The following UBE2E2 variants were observed in gnomAD, a reference collection of about 807,000 sequenced individuals.
UBE2E2 encodes ubiquitin-conjugating enzyme E2 E2.
A neutral mutation model predicts 24.7 loss-of-function variants in UBE2E2; 6 were observed. That is an observed-to-expected ratio of 0.24 (90% CI 0.13 to 0.48). UBE2E2 has a LOEUF of 0.48. Ranked by LOEUF, UBE2E2 falls within the 20% of genes least tolerant of loss-of-function variation. The pLI, the probability that UBE2E2 is intolerant of heterozygous loss-of-function variation, is 0.99. For missense variants in UBE2E2, 169 were observed against 245.0 expected (o/e 0.69, Z 2.07); for synonymous variants, 104 against 83.6 (o/e 1.24, Z -1.33).
chr3:23,269,520 C>T (rs1207515230), intron 3 of UBE2E2, among the ~76,000 whole-genome samples: 1 of 152,152 alleles, frequency 6.6e-6, no homozygotes, highest in Non-Finnish European at 1.5e-5. Context: ...GCCAGGAAAT[C>T]AGTTCTCACC....
At chr3:23,482,747 G>T (rs1395013474) in intron 3 of UBE2E2, among the ~76,000 whole-genome samples, 3 of 152,084 alleles carry the variant, frequency 2.0e-5, no homozygotes, top group Admixed American at 6.5e-5. Context: ...AGATTAAATA[G>T]GGATTTAAGG....
intron 3 of UBE2E2, among the ~76,000 whole-genome samples, chr3:23,318,074 T>C (rs866158070): frequency 5.9e-5 from 9 of 152,134 alleles, no homozygotes; most frequent in South Asian, 4.2e-4. Flanking sequence ...CTCCCTACTT[T>C]TTGATTCTAA....
At chr3:23,557,266 T>G (rs184285082) in intron 5 of UBE2E2, among the ~76,000 whole-genome samples, 2 of 152,218 alleles carry the variant, frequency 1.3e-5, no homozygotes, top group African/African-American at 4.8e-5. Flanking sequence ...GGCAGGCTCA[T>G]TGAATGCTTT....
chr3:23,314,886 T>C (rs1048178219), intron 3 of UBE2E2, among the ~76,000 whole-genome samples: 1 of 152,224 alleles, frequency 6.6e-6, no homozygotes, highest in South Asian at 2.1e-4. Context: ...CCTTTATTCT[T>C]GAACTTTGGG....
chr3:23,298,027 A>G (rs1302037042), intron 3 of UBE2E2, among the ~76,000 whole-genome samples: 15 of 151,538 alleles, frequency 9.9e-5, no homozygotes, highest in South Asian at 2.1e-4. Flanking sequence ...GGATTCCTAG[A>G]TATTTTATTC....
At chr3:23,298,683 G>A (rs1490538633) in intron 3 of UBE2E2, among the ~76,000 whole-genome samples, 15 of 151,446 alleles carry the variant, frequency 9.9e-5, no homozygotes, top group South Asian at 2.1e-4. Context: ...TGCTGGATTC[G>A]GTTTGCCAGT....
chr3:23,327,971 A>G (rs910920292), intron 3 of UBE2E2, among the ~76,000 whole-genome samples: 5 of 152,220 alleles, frequency 3.3e-5, no homozygotes, highest in African/African-American at 2.4e-5. Context: ...TAAGTATACA[A>G]TAAGAACTTA....
intron 3 of UBE2E2, among the ~76,000 whole-genome samples, chr3:23,302,211 T>A (rs528058701): frequency 1.3e-5 from 2 of 152,296 alleles, no homozygotes; most frequent in South Asian, 4.1e-4. Flanking sequence ...ACCACTCTAC[T>A]TCTATTTTCA....
chr3:23,422,396 T>G (rs2125392490), intron 3 of UBE2E2, among the ~76,000 whole-genome samples: 1 of 152,348 alleles, frequency 6.6e-6, no homozygotes, highest in African/African-American at 2.4e-5. Context: ...ACTCTGCTGC[T>G]TCCCAGCTGC....
chr3:23,230,204 A>G (rs550726334), intron 3 of UBE2E2, among the ~76,000 whole-genome samples: 1 of 152,314 alleles, frequency 6.6e-6, no homozygotes, highest in African/African-American at 2.4e-5. Context: ...TAAATTTCTT[A>G]TCAAAATGAA....
At position 23,363,206 on chromosome 3, in the gene UBE2E2, A is replaced by C. The variant is rs1696166304; in HGVS notation, c.228-136402A>C. 1.3e-5 allele frequency among the ~76,000 whole-genome samples: 2 copies of C among 152,188 alleles called. 1 individual carries two copies. The highest frequency in any genetic ancestry group is 4.1e-4 in the South Asian group (2 of 4,832). Reference sequence around the variant, plus strand: ...AACCATCACAAAAACACATTTAAGAACGTAGACTAGTAATGCTATAAAGCA... The same window carrying C: ...AACCATCACAAAAACACATTTAAGACCGTAGACTAGTAATGCTATAAAGCA... On this transcript the variant is annotated intron_variant, in intron 3 of 5. Transcript: ENST00000396703.
At chr3:23,381,165 C>T (rs1440444194) in intron 3 of UBE2E2, among the ~76,000 whole-genome samples, 1 of 151,928 alleles carries the variant, frequency 6.6e-6, no homozygotes, top group Non-Finnish European at 1.5e-5. Flanking sequence ...TTTTTATTTT[C>T]CCACAGTATA....
At position 23,480,702 on chromosome 3, in the gene UBE2E2, A is replaced by G. The variant is rs556029594; in HGVS notation, c.228-18906A>G. Among the ~76,000 whole-genome samples the G allele has an allele frequency of 3.0e-4, 46 of 152,212 alleles. 1 individual carries two copies. Among genetic ancestry groups the G allele is most frequent in the Non-Finnish European group, 5.9e-4 (40 of 68,036 alleles). Reference sequence around the variant, plus strand: ...AAAGGTGGAAAATAAAAGCCATTTTAAATGCTGTAAAATTGCTTAGTACAG... The same window carrying G: ...AAAGGTGGAAAATAAAAGCCATTTTGAATGCTGTAAAATTGCTTAGTACAG... On this transcript the variant is annotated intron_variant, in intron 3 of 5. Transcript: ENST00000396703.
chr3:23,480,336 G>A (rs566216988), intron 3 of UBE2E2, among the ~76,000 whole-genome samples: 2 of 152,224 alleles, frequency 1.3e-5, no homozygotes, highest in Non-Finnish European at 2.9e-5. Context: ...GAGAGGCCAG[G>A]GAGTGGGAAC....
chr3:23,261,607 A>T (rs1164537878), intron 3 of UBE2E2, among the ~76,000 whole-genome samples: 2 of 152,116 alleles, frequency 1.3e-5, no homozygotes, highest in Admixed American at 1.3e-4. Context: ...GGTACCCTTT[A>T]ACTGACATCC....
intron 3 of UBE2E2, among the ~76,000 whole-genome samples, chr3:23,447,591 C>A (rs1045604906): frequency 1.3e-5 from 2 of 152,170 alleles, no homozygotes; most frequent in Non-Finnish European, 2.9e-5. Flanking sequence ...AAACAATTAT[C>A]TCTGAGCTGA....
intron 3 of UBE2E2, among the ~76,000 whole-genome samples, chr3:23,222,682 G>A (rs1696688645): frequency 6.6e-6 from 1 of 152,138 alleles, no homozygotes; most frequent in Non-Finnish European, 1.5e-5. Flanking sequence ...CCAGTCTCAG[G>A]TATGTCTTTA....
intron 3 of UBE2E2, among the ~76,000 whole-genome samples, chr3:23,441,503 C>T (rs1165289108): frequency 7.2e-6 from 1 of 138,620 alleles, no homozygotes; most frequent in Non-Finnish European, 1.5e-5. Flanking sequence ...CGCGCCACTG[C>T]ACTCCAGCCT....
At chr3:23,235,635 T>C (rs1575492077) in intron 3 of UBE2E2, among the ~76,000 whole-genome samples, 1 of 152,034 alleles carries the variant, frequency 6.6e-6, no homozygotes, top group Admixed American at 6.6e-5. Flanking sequence ...GCAGTAGCAG[T>C]GGAGATAGAA....
Sources: allele counts gnomAD v4.1 joint callset (sites outside exome capture counted in the v4.1 genomes callset), GRCh38; gene constraint gnomAD v4.1.1; transcripts MANE v1.5; gene names NCBI Gene and HGNC (gene_info 2026-07-23, HGNC 2026-07-21).